The following EIF2AK4 variants were observed in gnomAD, a reference collection of about 807,000 sequenced individuals.
EIF2AK4 encodes the protein eIF-2-alpha kinase GCN2.
A neutral mutation model predicts 211.1 loss-of-function variants in EIF2AK4; 139 were observed. That is an observed-to-expected ratio of 0.66 (90% CI 0.57 to 0.76). The LOEUF (loss-of-function observed/expected upper bound fraction) is 0.76. Among genes scored for constraint, EIF2AK4 ranks in the 30% least tolerant of loss-of-function variants. The pLI is 0.00. For synonymous variants in EIF2AK4, 710 were observed against 751.3 expected (o/e 0.94, Z 0.90); for missense variants, 1,664 against 2,043.8 (o/e 0.81, Z 3.58).
rs778227955 is a variant in EIF2AK4 at position 40,022,553 on chromosome 15, A to G, written c.4337A>G (p.His1446Arg). Residue 1446 changes from histidine (H) to arginine (R), a missense_variant, in exon 32 of 39, where the codon CAT becomes CGT. His to Arg is a conservative substitution (Grantham distance 29). This residue lies in a region of EIF2AK4 where 622 missense variants were observed against 796.8 expected (regional missense o/e 0.78). Coordinates refer to ENST00000263791, the MANE Select transcript of EIF2AK4 (RefSeq NM_001013703.4). ...GAATTACAAGAGTACTGCAGACATC[A>G]TGAAATCACCTATGTGGCCCTTGTC... ...QEELQEYCRHHEITYVALVSD... is the reference protein window; with the variant it reads ...QEELQEYCRHREITYVALVSD... 74 of 1,614,092 alleles carry G rather than the reference A, an allele frequency of 4.6e-5. No individual in the cohort carries two copies. Among genetic ancestry groups the G allele is most frequent in the Non-Finnish European group, 3.1e-5 (37 of 1,180,042 alleles).
At chr15:39,950,570 G>A (rs1321181855) in intron 4 of EIF2AK4, among the ~76,000 whole-genome samples, 9 of 140,250 alleles carry the variant, frequency 6.4e-5, no homozygotes, top group African/African-American at 2.4e-4. Context: ...CAGCCTGGGC[G>A]ACAACTAGAC....
chr15:39,945,864 A>G (rs1049551116), intron 3 of EIF2AK4, among the ~76,000 whole-genome samples: 1 of 152,252 alleles, frequency 6.6e-6, no homozygotes, highest in Non-Finnish European at 1.5e-5. Context: ...CCTGTGCTCT[A>G]TAAATGGAAA....
intron 7 of EIF2AK4, among the ~76,000 whole-genome samples, chr15:39,963,544 TTAAC>T (rs1331384302): frequency 5.3e-5 from 8 of 152,326 alleles, no homozygotes; most frequent in South Asian, 2.1e-4. Flanking sequence ...TTATAAAAGA[TTAAC>T]TACTAATTTT....
At chr15:39,936,945 T>A (rs1008590870) in intron 1 of EIF2AK4, among the ~76,000 whole-genome samples, 1 of 152,128 alleles carries the variant, frequency 6.6e-6, no homozygotes, top group Non-Finnish European at 1.5e-5. Flanking sequence ...CAGGTTAGAT[T>A]TTTTTTTCAA....
chr15:39,935,221 C>T (rs1461027448), intron 1 of EIF2AK4, among the ~76,000 whole-genome samples: 2 of 152,160 alleles, frequency 1.3e-5, no homozygotes, highest in Non-Finnish European at 2.9e-5. Context: ...GAAATTAAGG[C>T]ACGTTATAAA....
At position 39,967,585 on chromosome 15, in the gene EIF2AK4, C is replaced by T. The variant is rs749029841; in HGVS notation, c.1259C>T (p.Ser420Phe). The T allele has an allele frequency of 3.7e-6, 6 of 1,613,896 alleles. No individual in the cohort carries two copies. In the East Asian group the frequency reaches 1.1e-4, roughly 30 times the overall value. The change falls in exon 9 of 39, where the codon TCT becomes TTT. Residue 420 changes from serine (S) to phenylalanine (F), a missense_variant. Physicochemically the swap from Ser to Phe is radical, Grantham distance 155. Transcript: ENST00000263791. ...LSGLDYLHSN[S>F]VVHKVLSASN... is the part of the protein sequence containing the mutation. ...GGCCTTGATTATCTGCACAGCAATT[C>T]TGTGGTGCATAAGGTCCTGAGTGCA...
At chr15:40,006,455 A>G (rs1488709396) in intron 23 of EIF2AK4, among the ~76,000 whole-genome samples, 1 of 152,234 alleles carries the variant, frequency 6.6e-6, no homozygotes, top group Non-Finnish European at 1.5e-5. Flanking sequence ...GCAAAAAATT[A>G]AAAAGTGAAT....
Position 40,012,639 on chromosome 15 carries a change from A to G in EIF2AK4, c.3759+1293A>G, listed in dbSNP as rs570322450. ...GTTTCCAACCCAAAAGGTTATTTGG[A>G]CTAAAGTCACATTTCAGAACATCTT... On this transcript the variant is annotated intron_variant, in intron 27 of 38. Transcript: ENST00000263791. Among the ~76,000 whole-genome samples, 8 of 152,286 alleles carry G rather than the reference A, an allele frequency of 5.3e-5. No individual in the cohort carries two copies. In the East Asian group the frequency reaches 1.5e-3, roughly 29 times the overall value.
chr15:39,947,802 T>C (rs1213898089), intron 3 of EIF2AK4, among the ~76,000 whole-genome samples: 1 of 151,988 alleles, frequency 6.6e-6, no homozygotes, highest in Non-Finnish European at 1.5e-5. Context: ...ACCAGGGGAG[T>C]AGGAGGCAAG....
intron 13 of EIF2AK4, among the ~76,000 whole-genome samples, chr15:39,980,352 T>TA (rs2034764405): frequency 6.6e-6 from 1 of 152,206 alleles, no homozygotes; most frequent in African/African-American, 2.4e-5. Context: ...TACTTTCTAA[T>TA]AAAAAGTACA....
intron 13 of EIF2AK4, among the ~76,000 whole-genome samples, chr15:39,982,884 T>C (rs2034812314): frequency 6.6e-6 from 1 of 152,252 alleles, no homozygotes; most frequent in Non-Finnish European, 1.5e-5. Context: ...TTGTTCTTTT[T>C]TTATGGCTGC....
intron 18 of EIF2AK4, among the ~76,000 whole-genome samples, chr15:39,996,426 C>G (rs1028974409): frequency 2.0e-5 from 3 of 152,158 alleles, no homozygotes; most frequent in African/African-American, 7.2e-5. Context: ...CTAGGAAGGC[C>G]AGGCGTGTTG....
chr15:39,973,605 A>C lies in EIF2AK4; in HGVS notation c.1674A>C (p.Gln558His). ...VEQSPEDSEG[Q>H]DYVETVIPSN... ...GTTTTATCTCAGATTCTGAAGGACA[A>C]GATTATGTTGAGACTGTTATTCCTA... is the stretch of plus-strand genomic sequence containing the variant. The change falls in exon 11 of 39, where the codon CAA becomes CAC. Residue 558 changes from glutamine (Q) to histidine (H), a missense_variant. Physicochemically the swap from Gln to His is conservative, Grantham distance 24. Transcript: ENST00000263791. The C allele has an allele frequency of 6.2e-7, 1 of 1,612,260 alleles. No homozygotes were observed. The highest frequency in any genetic ancestry group is 8.5e-7 in the Non-Finnish European group (1 of 1,179,108).
intron 18 of EIF2AK4, among the ~76,000 whole-genome samples, chr15:39,993,231 T>G (rs906546891): frequency 1.3e-5 from 2 of 152,068 alleles, no homozygotes; most frequent in African/African-American, 4.8e-5. Context: ...CAGCCATCCA[T>G]CCATCCATCC....
In EIF2AK4 at chr15:40,026,003, G is replaced by A; in HGVS notation, c.4416G>A (p.Gln1472=). The A allele has an allele frequency of 6.2e-7, 1 of 1,614,144 alleles. No homozygotes were observed. The highest frequency in any genetic ancestry group is 8.5e-7 in the Non-Finnish European group (1 of 1,180,016). The change falls in exon 33 of 39, where the codon CAG becomes CAA. Residue 1472 remains glutamine, a synonymous_variant. Coordinates refer to ENST00000263791, the MANE Select transcript of EIF2AK4 (RefSeq NM_001013703.4). ...VKVKSFEKER[Q]TEKRVLETEL... is the part of the protein sequence containing the mutation. ...TTAAGTCTTTCGAGAAGGAAAGGCAGACAGAGAAGCGTGTGCTGGAGACTG... is the reference window on the plus strand; with the variant it reads ...TTAAGTCTTTCGAGAAGGAAAGGCAAACAGAGAAGCGTGTGCTGGAGACTG...
At chr15:40,002,676 G>T in intron 21 of EIF2AK4, 37 bp from the exon 22 acceptor site, 1 of 1,605,480 alleles carries the variant, frequency 6.2e-7, no homozygotes, top group Non-Finnish European at 8.5e-7. Flanking sequence ...CCTTTGATAA[G>T]GCTTCAATGA....
In EIF2AK4 at chr15:39,958,901, C is replaced by CT. The variant is rs1184207678; in HGVS notation, c.744-2878dup. Among the ~76,000 whole-genome samples the CT allele has an allele frequency of 3.3e-5, 5 of 151,298 alleles. No individual in the cohort carries two copies. In the South Asian group the frequency reaches 1.0e-3, roughly 32 times the overall value. ...TGTCATCTCTCTTCTTGCCACTTGG[C>CT]TTTTTAAAAAAAAAAAGATTATCCT... On this transcript the variant is annotated intron_variant, in intron 6 of 38. Coordinates refer to ENST00000263791, the MANE Select transcript of EIF2AK4 (RefSeq NM_001013703.4).
chr15:39,989,928 A>G (rs1407408027), intron 15 of EIF2AK4, among the ~76,000 whole-genome samples: 4 of 152,240 alleles, frequency 2.6e-5, no homozygotes, highest in African/African-American at 9.6e-5. Flanking sequence ...AAAGAAAGGA[A>G]TAGAAGAAGG....
intron 15 of EIF2AK4, among the ~76,000 whole-genome samples, chr15:39,990,003 C>T (rs2034920422): frequency 6.6e-6 from 1 of 152,152 alleles, no homozygotes; most frequent in African/African-American, 2.4e-5. Flanking sequence ...GTAAGGGTAA[C>T]TTGGTGAACC....
Sources: allele counts gnomAD v4.1 joint callset (sites outside exome capture counted in the v4.1 genomes callset), GRCh38; gene constraint gnomAD v4.1.1; regional missense constraint gnomAD v4.1.1; transcripts MANE v1.5; gene names NCBI Gene and HGNC (gene_info 2026-07-23, HGNC 2026-07-21).